The following RNASET2 variants were observed in gnomAD, a reference collection of about 807,000 sequenced individuals.
RNASET2 encodes ribonuclease 6.
In RNASET2, 28 loss-of-function variants were observed where a neutral mutation model predicts 33.9. The ratio of observed to expected loss-of-function variants is 0.83; its 90% confidence interval spans 0.61 to 1.13. The LOEUF (loss-of-function observed/expected upper bound fraction) is 1.13. Among genes scored for constraint, RNASET2 ranks in the 50% most tolerant of loss-of-function variants. The pLI, the probability that RNASET2 is intolerant of heterozygous loss-of-function variation, is 0.00. For synonymous variants in RNASET2, 123 were observed against 121.0 expected, an observed-to-expected ratio of 1.02 and a Z score of -0.11; for missense variants, 330 against 319.9, an observed-to-expected ratio of 1.03 and a Z score of -0.24.
Position 166,933,257 on chromosome 6 carries a change from G to A in RNASET2, c.492+834C>T, listed in dbSNP as rs182539913. 39 of 152,284 alleles carry A rather than the reference G, an allele frequency of 2.6e-4. No homozygotes were observed. The East Asian group carries it at 6.9e-3, about 27-fold the overall frequency. The allele number at this position is 152,284 out of a possible 1,614,324, so 9.4% of individuals were successfully genotyped here. Reference sequence around the variant, plus strand: ...CCCGGGATTTGTGGATGACACATCGGTCCCTACTGCAGCTACACCATGGGA... The same window carrying A: ...CCCGGGATTTGTGGATGACACATCGATCCCTACTGCAGCTACACCATGGGA... On this transcript the variant is annotated intron_variant, in intron 7 of 8. Transcript: ENST00000508775. The surrounding 1 kb of genome is among the most constrained non-coding windows in gnomAD (Gnocchi z 4.1).
rs1246797045 is a variant in RNASET2 at position 166,923,209 on chromosome 6, G to A, written c.*6379C>T. Among the ~76,000 whole-genome samples, 2 of 147,152 alleles carry A rather than the reference G, an allele frequency of 1.4e-5. No homozygotes were observed. Among genetic ancestry groups the A allele is most frequent in the Middle Eastern group, 3.7e-3 (1 of 272 alleles). On this transcript the variant is annotated 3_prime_UTR_variant, in exon 9 of 9. Transcript: ENST00000508775. Reference sequence around the variant, plus strand: ...CTCCCAGAGGGCTGGGATTACAGGCGTGAGCCACCAGGCCCGGCCTTTTTT... The same window carrying A: ...CTCCCAGAGGGCTGGGATTACAGGCATGAGCCACCAGGCCCGGCCTTTTTT...
At position 166,929,636 on chromosome 6, in the gene RNASET2, A is replaced by G; in HGVS notation, c.723T>C (p.Cys241=). 6.2e-7 allele frequency: 1 copy of G among 1,614,110 alleles called. No individual in the cohort carries two copies. Among genetic ancestry groups the G allele is most frequent in the Non-Finnish European group, 8.5e-7 (1 of 1,180,022 alleles). ...GGGGATAGAAGACTGGGCCATCTTC[A>G]CAGACTCTCAGACCCCGGCTCTCGG... The part of the protein sequence containing the change: ...GAAESRGLRV[C]EDGPVFYPPP... Residue 241 remains cysteine, a synonymous_variant, in exon 9 of 9, where the codon TGT becomes TGC. Transcript: ENST00000508775.
rs951375438 is a variant in RNASET2, at chr6:166,928,202, C to T, written c.*1386G>A. ...GAGCTTGTTTCCAGAGGGCCAGAGGCCGTCCTGTGTCTCCTTTAATGCCTG... is the reference window on the plus strand; with the variant it reads ...GAGCTTGTTTCCAGAGGGCCAGAGGTCGTCCTGTGTCTCCTTTAATGCCTG... On this transcript the variant is annotated 3_prime_UTR_variant, in exon 9 of 9. Transcript: ENST00000508775. 6.6e-6 allele frequency among the ~76,000 whole-genome samples: 1 copy of T among 152,232 alleles called. No homozygotes were observed. Among genetic ancestry groups the T allele is most frequent in the African/African-American group, 2.4e-5 (1 of 41,454 alleles).
chr6:166,931,185 TC>T, intron 7 of RNASET2, 67 bp from the exon 8 acceptor site: 4 of 1,151,658 alleles, frequency 3.5e-6, no homozygotes, highest in Non-Finnish European at 5.3e-6. Flanking sequence ...TTCTGGACTA[TC>T]CTGAGCGCAA....
At position 166,929,626 on chromosome 6, in the gene RNASET2, G is replaced by A. The variant is rs1778369748; in HGVS notation, c.733C>T (p.Pro245Ser). Residue 245 changes from proline (P) to serine (S), a missense_variant, in exon 9 of 9, where the codon CCA becomes TCA. By Grantham distance (74) the Pro-to-Ser change is moderately conservative. Coordinates refer to ENST00000508775, the MANE Select transcript of RNASET2 (RefSeq NM_003730.6). ...TTTTTAGGTGGGGGATAGAAGACTGGGCCATCTTCACAGACTCTCAGACCC... is the reference window on the plus strand; with the variant it reads ...TTTTTAGGTGGGGGATAGAAGACTGAGCCATCTTCACAGACTCTCAGACCC... Reference protein sequence around the residue: ...SRGLRVCEDGPVFYPPPKKTK... With the variant: ...SRGLRVCEDGSVFYPPPKKTK... 1 of 1,614,060 alleles carries A rather than the reference G, an allele frequency of 6.2e-7. No homozygotes were observed. The highest frequency in any genetic ancestry group is 8.5e-7 in the Non-Finnish European group (1 of 1,180,022).
At chr6:166,946,829 G>T in intron 3 of RNASET2, 90 bp from the exon 4 acceptor site, 1 of 766,166 alleles carries the variant, frequency 1.3e-6, no homozygotes, top group Non-Finnish European at 2.3e-6. Flanking sequence ...TTTCATTGAA[G>T]TCTGCAAAGA....
chr6:166,953,455 C>T (rs1191713325), intron 1 of RNASET2: 4 of 152,154 alleles, frequency 2.6e-5, no homozygotes, highest in Admixed American at 2.0e-4. Flanking sequence ...AGGGAAGATT[C>T]CAAGTAAGAA....
rs1180015348 is a variant in RNASET2, at chr6:166,955,215, ACACACG to A, written c.86+876_86+881del. 4.5e-5 allele frequency among the ~76,000 whole-genome samples: 4 copies of A among 88,274 alleles called. 1 individual carries two copies. The highest frequency in any genetic ancestry group is 8.6e-4 in the East Asian group (2 of 2,332). 57.9% of individuals were successfully genotyped at this position (88,274 alleles called of 152,430 possible). ...CACACACGCACGCACACACGCACGC[ACACACG>A]CGCACACACGCACGCACGCACACAC... On this transcript the variant is annotated intron_variant, in intron 1 of 8. Coordinates refer to ENST00000508775, the MANE Select transcript of RNASET2 (RefSeq NM_003730.6).
Position 166,956,279 on chromosome 6 carries a change from G to C in RNASET2, c.-97C>G, listed in dbSNP as rs1779164932. ...GACTTCCGGGAGAAACGCTGTCTCC[G>C]AGCCCCCGCGCCGCCGCGCTCCCTC... On this transcript the variant is annotated 5_prime_UTR_variant, in exon 1 of 9. Transcript: ENST00000508775. 2 of 1,193,322 alleles carry C rather than the reference G, an allele frequency of 1.7e-6. No homozygotes were observed. Among genetic ancestry groups the C allele is most frequent in the Admixed American group, 4.0e-5 (2 of 50,362 alleles). The allele number at this position is 1,193,322 out of a possible 1,614,324, so 73.9% of individuals were successfully genotyped here.
intron 1 of RNASET2, among the ~76,000 whole-genome samples, chr6:166,954,939 T>C (rs968298235): frequency 6.6e-6 from 1 of 151,976 alleles, no homozygotes; most frequent in Non-Finnish European, 1.5e-5. Flanking sequence ...TGCAGTGAGC[T>C]GAGGTCACGC....
At chr6:166,942,770 T>C (rs1018583113) in intron 5 of RNASET2, among the ~76,000 whole-genome samples, 3 of 152,172 alleles carry the variant, frequency 2.0e-5, no homozygotes, top group Non-Finnish European at 4.4e-5. Flanking sequence ...AAGTAATAAA[T>C]ACCATACAGG....
chr6:166,949,095 T>C (rs141107089), intron 2 of RNASET2, among the ~76,000 whole-genome samples: 215 of 147,298 alleles, frequency 1.5e-3, no homozygotes, highest in African/African-American at 5.4e-3. Flanking sequence ...GCGCTAATAG[T>C]CACTACTACT....
intron 1 of RNASET2, among the ~76,000 whole-genome samples, chr6:166,955,272 CGCACACACG>C (rs1562506983): frequency 1.5e-3 from 147 of 99,578 alleles, no homozygotes; most frequent in Middle Eastern, 4.8e-3. Flanking sequence ...CACACACACG[CGCACACACG>C]ACACACACGC....
chr6:166,936,993 CCT>C (rs1490656121), intron 6 of RNASET2, among the ~76,000 whole-genome samples: 7 of 152,180 alleles, frequency 4.6e-5, no homozygotes, highest in African/African-American at 1.4e-4. Flanking sequence ...CTGTGAGACC[CCT>C]GTTTTGAAAC....
chr6:166,951,820 C>T (rs1778991998), intron 2 of RNASET2, among the ~76,000 whole-genome samples: 1 of 152,204 alleles, frequency 6.6e-6, no homozygotes, highest in Admixed American at 6.5e-5. Flanking sequence ...CTTATGCCCT[C>T]GGTCTCTTGC....
chr6:166,950,784 A>G (rs1444132406), intron 2 of RNASET2, among the ~76,000 whole-genome samples: 1 of 152,230 alleles, frequency 6.6e-6, no homozygotes, highest in African/African-American at 2.4e-5. Flanking sequence ...CGTGAGTGCC[A>G]TGGGTGCCAA....
chr6:166,945,474 G>C (rs932550077), intron 4 of RNASET2: 2 of 154,504 alleles, frequency 1.3e-5, no homozygotes, highest in East Asian at 3.9e-4. Flanking sequence ...GCAGTCCCCA[G>C]CCTCTTGGCT....
rs1247359393 is a variant in RNASET2, at chr6:166,926,116, T to C, written c.*3472A>G. ...AATGAGAAGGATAAGCTGAATATAATTCAGAATACTTTCACAATTTAGGCA... is the reference window on the plus strand; with the variant it reads ...AATGAGAAGGATAAGCTGAATATAACTCAGAATACTTTCACAATTTAGGCA... On this transcript the variant is annotated 3_prime_UTR_variant, in exon 9 of 9. Transcript: ENST00000508775. Among the ~76,000 whole-genome samples the C allele has an allele frequency of 6.6e-6, 1 of 152,108 alleles. No homozygotes were observed. Among genetic ancestry groups the C allele is most frequent in the Non-Finnish European group, 1.5e-5 (1 of 68,004 alleles).
At position 166,927,982 on chromosome 6, in the gene RNASET2, T is replaced by C. The variant is rs1041687936; in HGVS notation, c.*1606A>G. 2.6e-5 allele frequency among the ~76,000 whole-genome samples: 4 copies of C among 152,152 alleles called. No homozygotes were observed. The highest frequency in any genetic ancestry group is 5.9e-5 in the Non-Finnish European group (4 of 68,024). On this transcript the variant is annotated 3_prime_UTR_variant, in exon 9 of 9. Transcript: ENST00000508775. ...AGCTCAGAGAAGGGCCGAGGGACAA[T>C]GACAAGGTGGGGACCCTGGACCCTT... is the stretch of plus-strand genomic sequence containing the variant.
Sources: allele counts gnomAD v4.1 joint callset (sites outside exome capture counted in the v4.1 genomes callset), GRCh38; gene constraint gnomAD v4.1.1; non-coding constraint Gnocchi (gnomAD v3.1); transcripts MANE v1.5; gene names NCBI Gene and HGNC (gene_info 2026-07-23, HGNC 2026-07-21).